Variants in PPIH observed in about 807,000 individuals in gnomAD.
PPIH encodes the protein peptidylprolyl isomerase H.
In PPIH, 16 loss-of-function variants were observed where a neutral mutation model predicts 27.6. The observed-to-expected ratio is 0.58, with a 90% CI of 0.39 to 0.88. The LOEUF (loss-of-function observed/expected upper bound fraction) is 0.88, where lower values mean the gene tolerates loss of function less well. Ranked by LOEUF, PPIH falls within the 40% of genes least tolerant of loss-of-function variation. The pLI is 0.00. For missense variants in PPIH, 155 were observed against 224.1 expected, an observed-to-expected ratio of 0.69 and a Z score of 1.97; for synonymous variants, 63 against 76.1, an observed-to-expected ratio of 0.83 and a Z score of 0.90.
chr1:42,668,320 C>A (rs1649453396), intron 9 of PPIH, among the ~76,000 whole-genome samples: 1 of 151,528 alleles, frequency 6.6e-6, no homozygotes, highest in Admixed American at 6.6e-5. Flanking sequence ...TCCCTTCTTG[C>A]CTCCTCACCC....
At chr1:42,669,485 T>C (rs1162491976) in intron 9 of PPIH, among the ~76,000 whole-genome samples, 1 of 152,138 alleles carries the variant, frequency 6.6e-6, no homozygotes, top group Non-Finnish European at 1.5e-5. Context: ...TTGGTAGAGA[T>C]GGGGTTTCAT....
chr1:42,677,482 T>C (rs1409307425), downstream of PPIH, among the ~76,000 whole-genome samples: 1 of 150,318 alleles, frequency 6.7e-6, no homozygotes, highest in African/African-American at 2.5e-5. Flanking sequence ...AAAAAGAAAA[T>C]GTTAGTTTTG....
At chr1:42,662,596 G>A (rs1557511903) in intron 5 of PPIH, among the ~76,000 whole-genome samples, 1 of 151,828 alleles carries the variant, frequency 6.6e-6, no homozygotes, top group South Asian at 2.1e-4. Flanking sequence ...CCTTGGGGAA[G>A]GCAAAATGGA....
At chr1:42,669,839 C>A (rs1649534416) in intron 9 of PPIH, among the ~76,000 whole-genome samples, 1 of 152,142 alleles carries the variant, frequency 6.6e-6, no homozygotes, top group Admixed American at 6.5e-5. Context: ...GAGCTAAGAT[C>A]ATTTTTCTAG....
At chr1:42,661,539 G>A (rs1304493826) in intron 5 of PPIH, among the ~76,000 whole-genome samples, 5 of 152,156 alleles carry the variant, frequency 3.3e-5, no homozygotes, top group Admixed American at 6.5e-5. Context: ...ACCTTGGAGG[G>A]TGTGGGATAA....
At chr1:42,658,750 C>A in intron 1 of PPIH, 94 bp from the exon 2 acceptor site, 1 of 1,399,734 alleles carries the variant, frequency 7.1e-7, no homozygotes, top group African/African-American at 1.4e-5. Context: ...AGATACCGAG[C>A]GGCAGGGTGG....
At chr1:42,675,551 G>T (rs1053819114) in intron 9 of PPIH, among the ~76,000 whole-genome samples, 2 of 152,222 alleles carry the variant, frequency 1.3e-5, no homozygotes, top group Non-Finnish European at 2.9e-5. Context: ...ACACCATGCA[G>T]CTTACAAAGT....
intron 2 of PPIH, 82 bp from the exon 3 acceptor site, chr1:42,659,146 G>C: frequency 6.3e-7 from 1 of 1,589,392 alleles, no homozygotes; most frequent in South Asian, 1.1e-5. Flanking sequence ...GCTGGCTCCA[G>C]TGTTTATTCT....
chr1:42,662,824 T>G (rs1194047860), intron 5 of PPIH, among the ~76,000 whole-genome samples: 1 of 152,250 alleles, frequency 6.6e-6, no homozygotes, highest in Non-Finnish European at 1.5e-5. Context: ...TACCTTAGTA[T>G]GTATATGTGT....
At position 42,664,942 on chromosome 1, in the gene PPIH, G is replaced by A; in HGVS notation, c.323G>A (p.Gly108Asp). Residue 108 changes from glycine (G) to aspartate (D), a missense_variant, in exon 6 of 10, where the codon GGC becomes GAC. Physicochemically the swap from Gly to Asp is moderately conservative, Grantham distance 94. Transcript: ENST00000304979. Reference sequence around the variant, plus strand: ...TTTAAACTTAGACACTCAGCTCCAGGCCTGCTTTCCATGGTAAGTGAGGTC... The same window carrying A: ...TTTAAACTTAGACACTCAGCTCCAGACCTGCTTTCCATGGTAAGTGAGGTC... ...ENFKLRHSAP[G>D]LLSMANSGPS... 1 of 1,613,828 alleles carries A rather than the reference G, an allele frequency of 6.2e-7. No individual in the cohort carries two copies. Among genetic ancestry groups the A allele is most frequent in the Non-Finnish European group, 8.5e-7 (1 of 1,179,850 alleles).
intron 9 of PPIH, among the ~76,000 whole-genome samples, chr1:42,674,783 T>A (rs1455279375): frequency 6.6e-6 from 1 of 152,192 alleles, no homozygotes; most frequent in East Asian, 1.9e-4. Context: ...ACTGGAGATT[T>A]GGCAGCAAAT....
chr1:42,659,074 A>G (rs1299633520), intron 2 of PPIH, among the ~76,000 whole-genome samples, 154 bp from the exon 3 acceptor site: 2 of 152,008 alleles, frequency 1.3e-5, no homozygotes, highest in Non-Finnish European at 2.9e-5. Context: ...TCCCGTGTTA[A>G]TTTACGTTGT....
intron 9 of PPIH, among the ~76,000 whole-genome samples, chr1:42,674,494 G>C (rs1649791366): frequency 6.6e-6 from 1 of 152,264 alleles, no homozygotes; most frequent in South Asian, 2.1e-4. Flanking sequence ...TCTGAGGGCA[G>C]AGGCTGACTT....
intron 5 of PPIH, among the ~76,000 whole-genome samples, chr1:42,661,775 G>A (rs183851156): frequency 3.3e-5 from 5 of 151,998 alleles, no homozygotes; most frequent in South Asian, 2.1e-4. Context: ...GTTTTAGGCC[G>A]AATTACGTTT....
intron 9 of PPIH, among the ~76,000 whole-genome samples, 193 bp downstream of exon 9, chr1:42,667,633 T>C (rs922233572): frequency 6.6e-6 from 1 of 152,222 alleles, no homozygotes; most frequent in African/African-American, 2.4e-5. Flanking sequence ...TACCTATCTC[T>C]CAGAGTCACT....
chr1:42,672,330 A>G (rs759723469), intron 9 of PPIH, among the ~76,000 whole-genome samples: 3 of 152,128 alleles, frequency 2.0e-5, no homozygotes, highest in Non-Finnish European at 2.9e-5. Context: ...ACTGTGAGGC[A>G]AGTCAATAGG....
In PPIH at chr1:42,672,388, A is replaced by T. The variant is rs1570401735; in HGVS notation, c.*22-4196A>T. On this transcript the variant is annotated intron_variant, in intron 9 of 9. Transcript: ENST00000304979. Reference sequence around the variant, plus strand: ...TGAGAACTTGCCATATTCCAAAAAAAAAAAGACCAAGAGGAAGTACTCTCT... The same window carrying T: ...TGAGAACTTGCCATATTCCAAAAAATAAAAGACCAAGAGGAAGTACTCTCT... Among the ~76,000 whole-genome samples the T allele has an allele frequency of 2.0e-5, 3 of 152,142 alleles. No individual in the cohort carries two copies. In the East Asian group the frequency reaches 5.8e-4, roughly 29 times the overall value.
intron 5 of PPIH, 36 bp from the exon 6 acceptor site, chr1:42,664,827 C>G: frequency 1.9e-6 from 3 of 1,558,692 alleles, no homozygotes; most frequent in Non-Finnish European, 2.6e-6. Context: ...GGACCCAACA[C>G]TCCAAGTCAC....
intron 9 of PPIH, among the ~76,000 whole-genome samples, chr1:42,668,461 A>G (rs557122640): frequency 1.3e-5 from 2 of 152,002 alleles, no homozygotes; most frequent in African/African-American, 4.8e-5. Flanking sequence ...ACTTCTTGAC[A>G]CTTTACCCCT....
Sources: allele counts gnomAD v4.1 joint callset (sites outside exome capture counted in the v4.1 genomes callset), GRCh38; gene constraint gnomAD v4.1.1; transcripts MANE v1.5; gene names NCBI Gene and HGNC (gene_info 2026-07-23, HGNC 2026-07-21).